NRXN1: variants seen among roughly 807,000 people sequenced by gnomAD.
The protein encoded by NRXN1 is neurexin 1, also known as neurexin-1.
NRXN1 carries 39 observed loss-of-function variants against 150.9 expected under a neutral mutation model. The ratio of observed to expected loss-of-function variants is 0.26; its 90% CI spans 0.20 to 0.34. NRXN1 has a LOEUF of 0.34. NRXN1 is among the 10% of genes least tolerant of loss of function. NRXN1 has a pLI of 1.00. For synonymous variants in NRXN1, 924 were observed against 757.0 expected (o/e 1.22, Z -3.62); for missense variants, 1,815 against 1,949.9 (o/e 0.93, Z 1.30).
chr2:50,158,791 T>C (rs1382077043), intron 18 of NRXN1, among the ~76,000 whole-genome samples: 2 of 152,134 alleles, frequency 1.3e-5, no homozygotes, highest in Non-Finnish European at 2.9e-5. Flanking sequence ...TAATAATTTC[T>C]TCTCCACCAC....
In NRXN1 at chr2:51,028,096, T is replaced by A; in HGVS notation, c.178A>T (p.Thr60Ser). The change falls in exon 2 of 23, where the codon ACT (threonine) becomes TCT (serine). Residue 60 changes from threonine (T) to serine (S), a missense_variant. Physicochemically the swap from Thr to Ser is moderately conservative, Grantham distance 58 (BLOSUM62 1). This residue lies in a region of NRXN1 where 554 missense variants were observed against 478.8 expected (regional missense o/e 1.16). Transcript: ENST00000401669. ...CESEMSFQLKTRSARGLVLYF... is the reference protein window; with the variant it reads ...CESEMSFQLKSRSARGLVLYF... ...AGCACGAGGCCGCGGGCGCTGCGAG[T>A]CTTGAGCTGGAAGCTCATCTCGCTC... is the stretch of plus-strand genomic sequence containing the variant. 1 of 1,582,710 alleles carries A rather than the reference T, an allele frequency of 6.3e-7. No homozygotes were observed. Among genetic ancestry groups the A allele is most frequent in the Non-Finnish European group, 8.6e-7 (1 of 1,167,382 alleles).
chr2:50,371,217 C>A (rs2079999927), intron 17 of NRXN1, among the ~76,000 whole-genome samples: 1 of 151,984 alleles, frequency 6.6e-6, no homozygotes, highest in Non-Finnish European at 1.5e-5. Context: ...CTAACTCCCA[C>A]ACAAACCTTC....
intron 5 of NRXN1, among the ~76,000 whole-genome samples, chr2:50,726,706 C>T (rs2105166355): frequency 6.6e-6 from 1 of 152,216 alleles, no homozygotes; most frequent in East Asian, 1.9e-4. Context: ...ATTATATTAA[C>T]ACTTGAAATA....
At chr2:50,438,088 C>T (rs143820815) in intron 17 of NRXN1, among the ~76,000 whole-genome samples, 2 of 152,274 alleles carry the variant, frequency 1.3e-5, no homozygotes, top group East Asian at 3.9e-4. Flanking sequence ...GCTCTATTTT[C>T]CTACTGCCCC....
chr2:50,835,400 A>G (rs1391441612), intron 5 of NRXN1, among the ~76,000 whole-genome samples: 1 of 152,196 alleles, frequency 6.6e-6, no homozygotes, highest in Non-Finnish European at 1.5e-5. Flanking sequence ...TCCAACAATA[A>G]GAGAAAAATT....
chr2:50,374,087 T>C (rs1280823775), intron 17 of NRXN1, among the ~76,000 whole-genome samples: 1 of 96,324 alleles, frequency 1.0e-5, no homozygotes, highest in Admixed American at 1.0e-4. Context: ...TCACTTCATC[T>C]CAGGACTAGC....
chr2:50,816,444 G>A (rs1283117075), intron 5 of NRXN1, among the ~76,000 whole-genome samples: 8 of 152,040 alleles, frequency 5.3e-5, no homozygotes, highest in Non-Finnish European at 1.2e-4. Flanking sequence ...ATAGCTAACA[G>A]CCATCTTGAA....
At position 51,010,032 on chromosome 2, in the gene NRXN1, T is replaced by C. The variant is rs559612588; in HGVS notation, c.772+17470A>G. Among the ~76,000 whole-genome samples, 54 of 152,112 alleles carry C rather than the reference T, an allele frequency of 3.6e-4. 1 individual carries two copies. The South Asian group carries it at 7.0e-3, about 20-fold the overall frequency. On this transcript the variant is annotated intron_variant, in intron 2 of 22. Transcript: ENST00000401669. ...CTGCAAGGTTACTGTGGTATTCTCT[T>C]CTGACAATATAAACATTCTACTACG...
intron 5 of NRXN1, among the ~76,000 whole-genome samples, chr2:50,681,194 T>C (rs1690346607): frequency 6.6e-6 from 1 of 152,174 alleles, no homozygotes; most frequent in African/African-American, 2.4e-5. Context: ...GGCCCCACCT[T>C]AGGTGAATTA....
At chr2:49,947,946 T>A (rs907405128) in intron 21 of NRXN1, among the ~76,000 whole-genome samples, 1 of 152,010 alleles carries the variant, frequency 6.6e-6, no homozygotes, top group African/African-American at 2.4e-5. Flanking sequence ...CCAATTTAAT[T>A]TTTGCACTAT....
At chr2:50,796,578 T>G (rs1363347890) in intron 5 of NRXN1, among the ~76,000 whole-genome samples, 1 of 152,130 alleles carries the variant, frequency 6.6e-6, no homozygotes, top group Non-Finnish European at 1.5e-5. Flanking sequence ...GTTCAAAAGT[T>G]TGGCTTTCCC....
intron 2 of NRXN1, among the ~76,000 whole-genome samples, chr2:50,945,795 T>C (rs1219822442): frequency 6.6e-6 from 1 of 150,464 alleles, no homozygotes; most frequent in South Asian, 2.1e-4. Flanking sequence ...AAAATTTAGA[T>C]AAAACATGAC....
intron 18 of NRXN1, among the ~76,000 whole-genome samples, chr2:50,119,063 G>C (rs142258477): frequency 6.6e-4 from 99 of 150,966 alleles, no homozygotes; most frequent in African/African-American, 2.2e-3. Flanking sequence ...GATTCCTCAC[G>C]TCTCTGTAAG....
intron 17 of NRXN1, among the ~76,000 whole-genome samples, chr2:50,359,392 A>G (rs2079033940): frequency 1.3e-5 from 2 of 151,924 alleles, no homozygotes; most frequent in African/African-American, 4.8e-5. Context: ...AATTAGAATA[A>G]CCAGTTTAGA....
At chr2:50,180,836 T>G (rs920981542) in intron 18 of NRXN1, among the ~76,000 whole-genome samples, 5 of 152,170 alleles carry the variant, frequency 3.3e-5, no homozygotes, top group African/African-American at 1.2e-4. Context: ...AAGTCTTGCA[T>G]GCACTGATAA....
chr2:50,668,809 G>C (rs940837911), intron 5 of NRXN1, among the ~76,000 whole-genome samples: 4 of 151,960 alleles, frequency 2.6e-5, no homozygotes, highest in African/African-American at 9.7e-5. Context: ...TATGGAATAG[G>C]AATTTCAGGT....
At chr2:50,166,319 GTGTGTT>G (rs1196717810) in intron 18 of NRXN1, among the ~76,000 whole-genome samples, 6 of 134,108 alleles carry the variant, frequency 4.5e-5, no homozygotes, top group Admixed American at 7.4e-5. Context: ...GTGTGTGTGT[GTGTGTT>G]TGTGTGTGTG....
intron 17 of NRXN1, among the ~76,000 whole-genome samples, chr2:50,351,468 G>A (rs1447961194): frequency 3.3e-5 from 5 of 152,020 alleles, no homozygotes; most frequent in Non-Finnish European, 5.9e-5. Context: ...TGAAATTAAG[G>A]GCTTGTTAAT....
chr2:50,545,299 T>C (rs946707214), intron 9 of NRXN1, among the ~76,000 whole-genome samples: 1 of 152,188 alleles, frequency 6.6e-6, no homozygotes, highest in African/African-American at 2.4e-5. Context: ...ATTTTAAACA[T>C]GATCATACAC....
Sources: gnomAD v4.1 joint callset for allele counts (sites outside exome capture counted in the v4.1 genomes callset) on GRCh38, gnomAD v4.1.1 for gene constraint, gnomAD v4.1.1 regional missense constraint, MANE v1.5 for transcripts, NCBI Gene and HGNC (gene_info 2026-07-23, HGNC 2026-07-21) for gene names.